The following CMIP variants were observed in gnomAD, a reference collection of about 807,000 sequenced individuals.
CMIP encodes the protein c-Maf inducing protein, also known as C-Maf-inducing protein.
A neutral mutation model predicts 97.3 loss-of-function variants in CMIP; 13 were observed. The ratio of observed to expected loss-of-function variants is 0.13; its 90% CI spans 0.09 to 0.21. The LOEUF (loss-of-function observed/expected upper bound fraction) is 0.21, where lower values mean the gene tolerates loss of function less well. CMIP is among the 10% of genes least tolerant of loss of function. CMIP has a pLI of 1.00. For missense variants in CMIP, 847 were observed against 1,024.9 expected (o/e 0.83, Z 2.37); for synonymous variants, 538 against 436.3 (o/e 1.23, Z -2.91).
intron 4 of CMIP, among the ~76,000 whole-genome samples, chr16:81,653,534 G>A (rs532321067): frequency 2.6e-5 from 4 of 152,356 alleles, no homozygotes; most frequent in African/African-American, 9.6e-5. Context: ...GCTGGGAAAT[G>A]AATCACAGAG....
chr16:81,629,150 A>T (rs1431624889), intron 3 of CMIP, among the ~76,000 whole-genome samples: 3 of 149,946 alleles, frequency 2.0e-5, no homozygotes, highest in African/African-American at 7.4e-5. Context: ...AAAAAAAAAA[A>T]AAAAAAAAAA....
At position 81,670,250 on chromosome 16, in the gene CMIP, G is replaced by A. The variant is rs1597225769; in HGVS notation, c.929+5G>A. 1 of 1,606,114 alleles carries A rather than the reference G, an allele frequency of 6.2e-7. No individual in the cohort carries two copies. On this transcript the variant is annotated splice_donor_5th_base_variant and intron_variant, in intron 8 of 20. Transcript: ENST00000537098. Reference sequence around the variant, plus strand: ...GGTGAAGAAGTTCATTCAGAGGTGGGTCTCCGGCGCGACGTCCCTCTGTGG... The same window carrying A: ...GGTGAAGAAGTTCATTCAGAGGTGGATCTCCGGCGCGACGTCCCTCTGTGG...
chr16:81,551,062 G>A (rs1244577855), intron 1 of CMIP, among the ~76,000 whole-genome samples: 3 of 100,152 alleles, frequency 3.0e-5, no homozygotes, highest in East Asian at 3.0e-4. Context: ...CCCCAGTCCC[G>A]TCACACGCAC....
chr16:81,530,563 C>G (rs1048710477), intron 1 of CMIP, among the ~76,000 whole-genome samples: 1 of 152,142 alleles, frequency 6.6e-6, no homozygotes, highest in Non-Finnish European at 1.5e-5. Context: ...ACTCGAGTCT[C>G]TTGCCTCTGC....
intron 3 of CMIP, among the ~76,000 whole-genome samples, chr16:81,632,635 A>T (rs531510549): frequency 6.6e-6 from 1 of 152,238 alleles, no homozygotes; most frequent in Non-Finnish European, 1.5e-5. Flanking sequence ...GGCCAGAGGC[A>T]GTACAAGGCG....
At chr16:81,544,228 C>T (rs962976826) in intron 1 of CMIP, among the ~76,000 whole-genome samples, 2 of 152,266 alleles carry the variant, frequency 1.3e-5, no homozygotes, top group African/African-American at 4.8e-5. Flanking sequence ...CATGTGCACG[C>T]ATCCCTTTTC....
At chr16:81,568,294 C>T (rs1418605777) in intron 1 of CMIP, among the ~76,000 whole-genome samples, 1 of 152,098 alleles carries the variant, frequency 6.6e-6, no homozygotes, top group East Asian at 1.9e-4. Context: ...TCTGCCTTTC[C>T]CTCTAACTTT....
chr16:81,517,566 C>G (rs2089941070), intron 1 of CMIP, among the ~76,000 whole-genome samples: 1 of 152,198 alleles, frequency 6.6e-6, no homozygotes, highest in Non-Finnish European at 1.5e-5. Flanking sequence ...GATTTTGTTG[C>G]TTTTCACACT....
chr16:81,512,294 T>G (rs2089828262), intron 1 of CMIP, among the ~76,000 whole-genome samples: 1 of 152,132 alleles, frequency 6.6e-6, no homozygotes, highest in Non-Finnish European at 1.5e-5. Flanking sequence ...CCCTCATGCC[T>G]TGGTGGGGGT....
intron 1 of CMIP, among the ~76,000 whole-genome samples, chr16:81,542,776 T>A (rs1302969650): frequency 6.6e-6 from 1 of 152,136 alleles, no homozygotes; most frequent in Admixed American, 6.5e-5. Context: ...GGGCCCCAAC[T>A]TCATGACCTC....
At chr16:81,598,427 A>G (rs1320477825) in intron 1 of CMIP, among the ~76,000 whole-genome samples, 1 of 152,252 alleles carries the variant, frequency 6.6e-6, no homozygotes, top group African/African-American at 2.4e-5. Context: ...AGGTGGCTAC[A>G]GCATTGGCCA....
At chr16:81,521,477 G>A (rs1279656074) in intron 1 of CMIP, among the ~76,000 whole-genome samples, 1 of 152,044 alleles carries the variant, frequency 6.6e-6, no homozygotes, top group East Asian at 1.9e-4. Context: ...AAATGCCACT[G>A]CAGGTTCTTG....
At chr16:81,469,876 G>A (rs1243804862) in intron 1 of CMIP, among the ~76,000 whole-genome samples, 2 of 152,198 alleles carry the variant, frequency 1.3e-5, no homozygotes, top group African/African-American at 2.4e-5. Flanking sequence ...CTTGGAGGAT[G>A]GGATGGGGAG....
intron 1 of CMIP, among the ~76,000 whole-genome samples, chr16:81,514,955 A>G (rs1042068788): frequency 6.6e-6 from 1 of 151,970 alleles, no homozygotes; most frequent in African/African-American, 2.4e-5. Context: ...AATGCGATGA[A>G]CACTCCCCTG....
At chr16:81,554,923 AGGTGTCATT>A (rs1291543384) in intron 1 of CMIP, among the ~76,000 whole-genome samples, 1 of 152,166 alleles carries the variant, frequency 6.6e-6, no homozygotes, top group African/African-American at 2.4e-5. Context: ...CCCTGGCCGC[AGGTGTCATT>A]GGGCTGGAAG....
intron 1 of CMIP, chr16:81,463,877 A>G (rs1309116409): frequency 3.9e-5 from 6 of 152,044 alleles, no homozygotes; most frequent in Non-Finnish European, 8.8e-5. Flanking sequence ...TTATGTGCCC[A>G]CTCTTGTATG....
intron 5 of CMIP, among the ~76,000 whole-genome samples, chr16:81,658,646 C>G (rs972249384): frequency 4.6e-5 from 7 of 152,192 alleles, no homozygotes; most frequent in African/African-American, 1.7e-4. Flanking sequence ...TGCAAGAGCA[C>G]AAAGATTTAA....
Position 81,691,778 on chromosome 16 carries a change from A to C in CMIP, c.1392A>C (p.Ser464=). Residue 464 remains serine (S), a synonymous_variant, in exon 11 of 21, where the codon TCA becomes TCC. Transcript: ENST00000537098. ...CTGTCACCCTCTCTCATTCTAGGTC[A>C]GACTATGATGACTGGAGACCGTCTC... ...GCYVEILKLL[S]DYDDWRPSLA... 6.2e-7 allele frequency: 1 copy of C among 1,613,682 alleles called. No individual in the cohort carries two copies. Among genetic ancestry groups the C allele is most frequent in the Middle Eastern group, 1.6e-4 (1 of 6,062 alleles).
At chr16:81,484,727 C>A (rs1179359686) in intron 1 of CMIP, among the ~76,000 whole-genome samples, 1 of 152,194 alleles carries the variant, frequency 6.6e-6, no homozygotes, top group Non-Finnish European at 1.5e-5. Context: ...ACTCGGCGTG[C>A]TCTGGATGGG....
Sources: allele counts gnomAD v4.1 joint callset (sites outside exome capture counted in the v4.1 genomes callset), GRCh38; gene constraint gnomAD v4.1.1; transcripts MANE v1.5; gene names NCBI Gene and HGNC (gene_info 2026-07-23, HGNC 2026-07-21).